The following PRKCZ variants were observed in gnomAD, a reference collection of about 807,000 sequenced individuals.
The protein encoded by PRKCZ is protein kinase C zeta type.
PRKCZ carries 33 observed loss-of-function variants against 79.5 expected under a neutral mutation model. The ratio of observed to expected loss-of-function variants is 0.41; its 90% CI spans 0.31 to 0.55. The LOEUF (loss-of-function observed/expected upper bound fraction) is 0.55, where lower values mean the gene tolerates loss of function less well. Ranked by LOEUF, PRKCZ falls within the 20% of genes least tolerant of loss-of-function variation. The pLI is 0.19. For synonymous variants in PRKCZ, 342 were observed against 320.9 expected (o/e 1.07, Z -0.70); for missense variants, 578 against 813.5 (o/e 0.71, Z 3.52).
chr1:2,154,173 C>T (rs1394841901), intron 9 of PRKCZ, among the ~76,000 whole-genome samples: 1 of 152,186 alleles, frequency 6.6e-6, no homozygotes, highest in Non-Finnish European at 1.5e-5. Flanking sequence ...ACCGCCGACC[C>T]ACTAGGTCTT....
intron 16 of PRKCZ, among the ~76,000 whole-genome samples, chr1:2,181,430 C>T (rs1430755308): frequency 6.6e-6 from 1 of 152,234 alleles, no homozygotes; most frequent in East Asian, 1.9e-4. Flanking sequence ...CTGTTACTGC[C>T]ACAGCGTCCG....
At chr1:2,089,570 A>G (rs1335410605) in intron 4 of PRKCZ, among the ~76,000 whole-genome samples, 1 of 152,138 alleles carries the variant, frequency 6.6e-6, no homozygotes, top group Non-Finnish European at 1.5e-5. Context: ...TTCACGTGAT[A>G]AAGGGGACGA....
At chr1:2,183,172 A>G (rs1402109965) in intron 16 of PRKCZ, among the ~76,000 whole-genome samples, 2 of 152,198 alleles carry the variant, frequency 1.3e-5, no homozygotes, top group Non-Finnish European at 2.9e-5. Context: ...TGGAGCTTGC[A>G]GTGAGCCGAG....
chr1:2,071,233 G>A (rs1037266580), intron 4 of PRKCZ: 11 of 318,642 alleles, frequency 3.5e-5, no homozygotes, highest in Middle Eastern at 4.0e-4. Flanking sequence ...GCTCGACAGG[G>A]TTTAGAGGAG....
intron 4 of PRKCZ, among the ~76,000 whole-genome samples, chr1:2,085,837 C>T (rs1664424002): frequency 6.6e-6 from 1 of 152,186 alleles, no homozygotes. Context: ...CCCGGCTCCC[C>T]TCTCACAGGC....
rs982233492 is a variant in PRKCZ at position 2,149,600 on chromosome 1, C to T, written c.687+676C>T. On this transcript the variant is annotated intron_variant, in intron 8 of 17. Transcript: ENST00000378567. This position sits in a 1 kb window ranked among gnomAD's most constrained non-coding sequence, Gnocchi z 4.1. Reference sequence around the variant, plus strand: ...CTGAGGCTGAGCACGGCGACTCACACCTCCAATCCCAGCATTTTGGGAGGC... The same window carrying T: ...CTGAGGCTGAGCACGGCGACTCACATCTCCAATCCCAGCATTTTGGGAGGC... Among the ~76,000 whole-genome samples the T allele has an allele frequency of 1.7e-4, 26 of 152,234 alleles. No individual in the cohort carries two copies. The highest frequency in any genetic ancestry group is 3.8e-4 in the East Asian group (2 of 5,202).
At position 2,082,602 on chromosome 1, in the gene PRKCZ, G is replaced by T; in HGVS notation, c.334+23011G>T. On this transcript the variant is annotated intron_variant, in intron 4 of 17. Coordinates refer to ENST00000378567, the MANE Select transcript of PRKCZ (RefSeq NM_002744.6). This position sits in a 1 kb window ranked among gnomAD's most constrained non-coding sequence, Gnocchi z 4.4. ...TCCCTGGTGTAAATGCTCCCACCAC[G>T]GCCGATTTCAGGCTGCCGAAGTGGA... 1 of 370,572 alleles carries T rather than the reference G, an allele frequency of 2.7e-6. No homozygotes were observed. Among genetic ancestry groups the T allele is most frequent in the Non-Finnish European group, 5.3e-6 (1 of 187,852 alleles). The allele number at this position is 370,572 out of a possible 1,614,324, so 23.0% of individuals were successfully genotyped here.
chr1:2,118,539 G>A (rs1008380898), intron 4 of PRKCZ, among the ~76,000 whole-genome samples: 7 of 151,560 alleles, frequency 4.6e-5, no homozygotes, highest in South Asian at 2.1e-4. Context: ...AGGTTTCACC[G>A]TGTTAGCCAG....
chr1:2,167,569 G>C (rs534986950), intron 10 of PRKCZ, among the ~76,000 whole-genome samples: 17 of 152,266 alleles, frequency 1.1e-4, no homozygotes, highest in African/African-American at 4.1e-4. Context: ...AAAATGTGCG[G>C]TGAAGTCACC....
At chr1:2,101,571 C>T (rs1011210339) in intron 4 of PRKCZ, among the ~76,000 whole-genome samples, 4 of 152,228 alleles carry the variant, frequency 2.6e-5, no homozygotes, top group East Asian at 1.9e-4. Context: ...AGCCAGTCTG[C>T]GTTCGGCCTG....
At chr1:2,164,829 C>T (rs1161094011) in intron 10 of PRKCZ, among the ~76,000 whole-genome samples, 1 of 152,068 alleles carries the variant, frequency 6.6e-6, no homozygotes, top group African/African-American at 2.4e-5. Flanking sequence ...CCCTGGCTTT[C>T]GTGATGTTGT....
At position 2,125,393 on chromosome 1, in the gene PRKCZ, T is replaced by C. The variant is rs1341416122; in HGVS notation, c.335-9869T>C. 1.3e-5 allele frequency among the ~76,000 whole-genome samples: 2 copies of C among 152,350 alleles called. No homozygotes were observed. The highest frequency in any genetic ancestry group is 2.9e-5 in the Non-Finnish European group (2 of 68,028). ...TGATTGTAAGGCCAGACTGTTGGAA[T>C]GTAATTCCTTCCCAAACATCTCTCA... On this transcript the variant is annotated intron_variant, in intron 4 of 17. Coordinates refer to ENST00000378567, the MANE Select transcript of PRKCZ (RefSeq NM_002744.6). The surrounding 1 kb of genome is among the most constrained non-coding windows in gnomAD (Gnocchi z 4.2).
chr1:2,059,694 C>T, intron 4 of PRKCZ, 103 bp downstream of exon 4: 2 of 1,458,082 alleles, frequency 1.4e-6, no homozygotes, highest in South Asian at 2.3e-5. Flanking sequence ...GGAGGTTCAC[C>T]CTCGTGGAGC....
chr1:2,175,402 C>T (rs2100410024), intron 16 of PRKCZ, 89 bp downstream of exon 16: 10 of 986,868 alleles, frequency 1.0e-5, no homozygotes, highest in African/African-American at 1.8e-5. Context: ...CCCCAATATT[C>T]ACCCAACCCC....
intron 7 of PRKCZ, among the ~76,000 whole-genome samples, chr1:2,148,278 A>G (rs989905733): frequency 8.9e-5 from 13 of 146,834 alleles, no homozygotes; most frequent in South Asian, 8.8e-4. Context: ...CTATCCATCT[A>G]TTGTCCACTG....
At chr1:2,118,909 A>T (rs960112956) in intron 4 of PRKCZ, among the ~76,000 whole-genome samples, 1 of 152,126 alleles carries the variant, frequency 6.6e-6, no homozygotes, top group African/African-American at 2.4e-5. Context: ...TAAATGAAAG[A>T]TTTAGTCCGT....
intron 4 of PRKCZ, among the ~76,000 whole-genome samples, chr1:2,099,575 G>A (rs1571358508): frequency 1.3e-5 from 2 of 152,210 alleles, no homozygotes; most frequent in Non-Finnish European, 2.9e-5. Flanking sequence ...GACTGTACCC[G>A]GAGGGAGGGG....
intron 4 of PRKCZ, among the ~76,000 whole-genome samples, chr1:2,113,761 G>T (rs115242991): frequency 0.013 from 2,033 of 152,300 alleles, 49 homozygotes; most frequent in African/African-American, 0.044. Context: ...GACTCATGGG[G>T]CAGAGGCTGT....
intron 11 of PRKCZ, among the ~76,000 whole-genome samples, chr1:2,170,901 G>A (rs544760425): frequency 2.0e-5 from 3 of 152,254 alleles, no homozygotes; most frequent in South Asian, 2.1e-4. Context: ...CCCTCGGGGG[G>A]CACTTGAGTG....
Sources: gnomAD v4.1 joint callset for allele counts (sites outside exome capture counted in the v4.1 genomes callset) on GRCh38, gnomAD v4.1.1 for gene constraint, Gnocchi (gnomAD v3.1) non-coding constraint, MANE v1.5 for transcripts, NCBI Gene and HGNC (gene_info 2026-07-23, HGNC 2026-07-21) for gene names.